ITCH: variants seen among roughly 807,000 people sequenced by gnomAD.
The protein encoded by ITCH is E3 ubiquitin-protein ligase Itchy homolog.
ITCH carries 28 observed loss-of-function variants against 126.8 expected under a neutral mutation model. The observed-to-expected ratio is 0.22, with a 90% confidence interval of 0.16 to 0.30. The LOEUF is 0.30. Ranked by LOEUF, ITCH falls within the 10% of genes least tolerant of loss-of-function variation. The probability of loss-of-function intolerance (pLI) is 1.00; values close to 1 mark genes in which losing one functional copy is unlikely to be tolerated. For synonymous variants in ITCH, 342 were observed against 340.0 expected (o/e 1.01, Z -0.06); for missense variants, 631 against 1,032.4 (o/e 0.61, Z 5.33).
At chr20:34,441,597 T>TTTTTTTC (rs1423686411) in intron 9 of ITCH, 1 of 150,398 alleles carries the variant, frequency 6.6e-6, no homozygotes, top group Non-Finnish European at 1.5e-5. Context: ...GCTAATTTTT[T>TTTTTTTC]TTTTTTGAGA....
In ITCH at chr20:34,433,788, GTAAC is replaced by G. The variant is rs753033520; in HGVS notation, c.522-4681_522-4678del. Among the ~76,000 whole-genome samples the G allele has an allele frequency of 3.3e-5, 5 of 152,062 alleles. No homozygotes were observed. In the South Asian group the frequency reaches 1.0e-3, roughly 32 times the overall value. On this transcript the variant is annotated intron_variant, in intron 7 of 24. Transcript: ENST00000374864. ...GGGGGAAATGCCCAATATGTATTGA[GTAAC>G]TAACCAAATAAAAACCCACCCAGAA...
At chr20:34,439,392 C>T (rs1184862547) in intron 8 of ITCH, among the ~76,000 whole-genome samples, 1 of 152,166 alleles carries the variant, frequency 6.6e-6, no homozygotes, top group Non-Finnish European at 1.5e-5. Context: ...CTAGCCTCAG[C>T]CTCCCGAGTA....
chr20:34,411,445 C>T (rs920220740), intron 4 of ITCH, among the ~76,000 whole-genome samples: 4 of 152,096 alleles, frequency 2.6e-5, no homozygotes, highest in African/African-American at 7.2e-5. Flanking sequence ...TGAGCCATTG[C>T]GCCTGGCCGA....
intron 6 of ITCH, among the ~76,000 whole-genome samples, chr20:34,417,522 C>G (rs1315221175): frequency 1.3e-5 from 2 of 151,770 alleles, no homozygotes; most frequent in Non-Finnish European, 1.5e-5. Context: ...TCCTCAGCCT[C>G]CCGAGTAGCT....
chr20:34,504,527 A>G (rs1049755635), intron 24 of ITCH, 124 bp downstream of exon 24: 7 of 713,646 alleles, frequency 9.8e-6, no homozygotes, highest in South Asian at 4.5e-5. Context: ...CATCATAGCA[A>G]TCCAGTTTAA....
intron 14 of ITCH, among the ~76,000 whole-genome samples, chr20:34,464,900 G>A (rs576399119): frequency 2.6e-5 from 4 of 151,706 alleles, no homozygotes; most frequent in African/African-American, 9.7e-5. Flanking sequence ...TAGTAGAGAC[G>A]GGGTTTCACC....
rs1171765663 is a variant in ITCH, at chr20:34,364,724, CAAAAAAA to C, written c.-99+1388_-99+1394del. On this transcript the variant is annotated intron_variant, in intron 1 of 24. Coordinates refer to ENST00000374864, the MANE Select transcript of ITCH (RefSeq NM_031483.7). ...TGAAACCCCGTCTCTACTAAAAATA[CAAAAAAA>C]AAAAAAAAAAAATCCTGGGCGTGGT... 1.5e-4 allele frequency among the ~76,000 whole-genome samples: 7 copies of C among 45,572 alleles called. 1 individual carries two copies. The South Asian group carries it at 4.0e-3, about 26-fold the overall frequency. The allele number at this position is 45,572 out of a possible 152,430, so 29.9% of individuals were successfully genotyped here. A position where few individuals can be genotyped will look rare whatever the true frequency, so the allele number is the denominator to read the frequency against.
intron 4 of ITCH, among the ~76,000 whole-genome samples, chr20:34,409,940 G>T (rs553961474): frequency 3.2e-4 from 49 of 152,134 alleles, no homozygotes; most frequent in Admixed American, 8.5e-4. Flanking sequence ...TGAGCCAGGA[G>T]GATTGTGTGA....
chr20:34,380,946 C>T (rs1221728128), intron 2 of ITCH, among the ~76,000 whole-genome samples: 3 of 151,694 alleles, frequency 2.0e-5, no homozygotes, highest in South Asian at 2.1e-4. Flanking sequence ...TGTCACTGCA[C>T]CTGGGTAATT....
At chr20:34,406,761 C>T (rs930885834) in intron 3 of ITCH, among the ~76,000 whole-genome samples, 4 of 152,090 alleles carry the variant, frequency 2.6e-5, no homozygotes, top group African/African-American at 9.7e-5. Flanking sequence ...GTCTCGATCT[C>T]CTGACCTCGT....
chr20:34,403,424 A>T (rs957219288), intron 3 of ITCH, among the ~76,000 whole-genome samples: 2 of 152,196 alleles, frequency 1.3e-5, no homozygotes, highest in Non-Finnish European at 2.9e-5. Flanking sequence ...GAGCACATGC[A>T]TGGGAGAGTG....
intron 11 of ITCH, among the ~76,000 whole-genome samples, chr20:34,445,852 T>C (rs980430801): frequency 6.6e-6 from 1 of 152,038 alleles, no homozygotes; most frequent in African/African-American, 2.4e-5. Flanking sequence ...ATGATAAGAG[T>C]TTAACCACTT....
chr20:34,391,703 T>A (rs193036609), intron 2 of ITCH, among the ~76,000 whole-genome samples: 1 of 152,274 alleles, frequency 6.6e-6, no homozygotes, highest in Non-Finnish European at 1.5e-5. Flanking sequence ...ATTATTGAAA[T>A]TACTAGGATG....
chr20:34,370,996 G>A (rs1237340697), intron 2 of ITCH, among the ~76,000 whole-genome samples: 1 of 151,756 alleles, frequency 6.6e-6, no homozygotes. Context: ...GTGAAACCCC[G>A]TCTCTACTAA....
rs2037481544 is a variant in ITCH at position 34,368,019 on chromosome 20, C to T, written c.-98-1375C>T. ...GGCGCGGTGGCTCATGCCTGTAATCCCAGCATTTTGGGAGGCTGAAGCGGG... is the reference window on the plus strand; with the variant it reads ...GGCGCGGTGGCTCATGCCTGTAATCTCAGCATTTTGGGAGGCTGAAGCGGG... On this transcript the variant is annotated intron_variant, in intron 1 of 24. Transcript: ENST00000374864. 2.0e-5 allele frequency among the ~76,000 whole-genome samples: 3 copies of T among 151,992 alleles called. No homozygotes were observed. The South Asian group carries it at 6.2e-4, about 31-fold the overall frequency.
intron 23 of ITCH, among the ~76,000 whole-genome samples, chr20:34,495,263 C>T (rs1226642211): frequency 1.4e-5 from 2 of 139,686 alleles, no homozygotes; most frequent in Non-Finnish European, 3.1e-5. Context: ...AAAACTCCAA[C>T]TCAAAAATAA....
intron 22 of ITCH, 149 bp from the exon 23 acceptor site, chr20:34,492,352 G>A: frequency 1.8e-6 from 1 of 566,996 alleles, no homozygotes; most frequent in Non-Finnish European, 3.2e-6. Flanking sequence ...AGCTATGATT[G>A]CATCACTGCA....
At chr20:34,475,194 C>T (rs1403054552) in intron 16 of ITCH, among the ~76,000 whole-genome samples, 2 of 152,020 alleles carry the variant, frequency 1.3e-5, no homozygotes, top group Non-Finnish European at 2.9e-5. Context: ...CAGAGGGGCT[C>T]CTCACATCCC....
chr20:34,455,721 G>A (rs993419869), intron 12 of ITCH, among the ~76,000 whole-genome samples: 1 of 150,180 alleles, frequency 6.7e-6, no homozygotes, highest in African/African-American at 2.5e-5. Context: ...CAGGCAGTCC[G>A]CCCGCCTCTG....
Sources: gnomAD v4.1 joint callset for allele counts (sites outside exome capture counted in the v4.1 genomes callset) on GRCh38, gnomAD v4.1.1 for gene constraint, MANE v1.5 for transcripts, NCBI Gene and HGNC (gene_info 2026-07-23, HGNC 2026-07-21) for gene names.